The following PMVK variants were observed in gnomAD, a reference collection of about 807,000 sequenced individuals.
The protein encoded by PMVK is testis tissue sperm-binding protein Li 95mP.
Under a neutral mutation model 19.0 loss-of-function variants are expected in PMVK, and 10 were observed. That is an observed-to-expected ratio of 0.53 (90% CI 0.32 to 0.89). PMVK has a LOEUF of 0.89. Among genes scored for constraint, PMVK ranks in the 40% least tolerant of loss-of-function variants. The probability of loss-of-function intolerance (pLI) is 0.03; values close to 1 mark genes in which losing one functional copy is unlikely to be tolerated. For missense variants in PMVK, 222 were observed against 251.1 expected (o/e 0.88, Z 0.78); for synonymous variants, 108 against 101.6 (o/e 1.06, Z -0.38).
chr1:154,941,443 C>T (rs746318803), upstream of PMVK, among the ~76,000 whole-genome samples: 7 of 152,176 alleles, frequency 4.6e-5, no homozygotes, highest in Non-Finnish European at 7.3e-5. Flanking sequence ...GGCAACAGCC[C>T]TCCACACCCC....
intron 2 of PMVK, among the ~76,000 whole-genome samples, chr1:154,931,949 A>G (rs1225277536): frequency 6.6e-6 from 1 of 152,118 alleles, no homozygotes; most frequent in Non-Finnish European, 1.5e-5. Context: ...TCGGCCTCCC[A>G]AAGTGCTGGG....
chr1:154,925,075 A>C lies in PMVK; in HGVS notation c.*54T>G. ...ATCGGGGGACACCCCCATTTTGCAG[A>C]GTCAGCCCCACCCCCACCTCAGCAG... On this transcript the variant is annotated 3_prime_UTR_variant, in exon 5 of 5. Transcript: ENST00000368467. 4.6e-6 allele frequency: 6 copies of C among 1,310,346 alleles called. No individual in the cohort carries two copies. The highest frequency in any genetic ancestry group is 1.6e-5 in the African/African-American group (1 of 62,582). 81.2% of individuals were successfully genotyped at this position (1,310,346 alleles called of 1,614,324 possible). A position where few individuals can be genotyped will look rare whatever the true frequency, so the allele number is the denominator to read the frequency against.
chr1:154,927,084 G>C (rs1023559779), intron 3 of PMVK, among the ~76,000 whole-genome samples: 1 of 151,898 alleles, frequency 6.6e-6, no homozygotes, highest in South Asian at 2.1e-4. Flanking sequence ...CAAAATACAC[G>C]CAAAATTGAC....
At position 154,933,467 on chromosome 1, in the gene PMVK, GT is replaced by G. The variant is rs1206052839; in HGVS notation, c.96-1053del. On this transcript the variant is annotated intron_variant, in intron 1 of 4. Coordinates refer to ENST00000368467, the MANE Select transcript of PMVK (RefSeq NM_006556.4). The stretch of plus-strand genomic sequence containing the variant: ...AAATAAAAATAAAAATAACTCATTC[GT>G]TATTTAATTTACTTAACCAACCTTT... 4.3e-5 allele frequency among the ~76,000 whole-genome samples: 6 copies of G among 140,832 alleles called. No homozygotes were observed. In the East Asian group the frequency reaches 1.3e-3, roughly 29 times the overall value. 92.4% of individuals were successfully genotyped at this position (140,832 alleles called of 152,430 possible).
intron 2 of PMVK, among the ~76,000 whole-genome samples, chr1:154,930,960 G>A (rs1654317019): frequency 6.6e-6 from 1 of 151,682 alleles, no homozygotes; most frequent in African/African-American, 2.4e-5. Context: ...ATAGTGGCAT[G>A]CACCTGTATT....
rs1487418854 is a variant in PMVK, at chr1:154,932,378, C to T, written c.133G>A (p.Gly45Ser). Residue 45 changes from glycine to serine, a missense_variant, in exon 2 of 5, where the codon GGT becomes AGT. Gly to Ser is a moderately conservative substitution (Grantham distance 56). Transcript: ENST00000368467. Reference protein sequence around the residue: ...ADVCAVLRLSGPLKEQYAQEH... With the variant: ...ADVCAVLRLSSPLKEQYAQEH... ...TGAGCATACTGTTCCTTGAGTGGACCAGAGAGCCGGAGGACAGCACAGACA... is the reference window on the plus strand; with the variant it reads ...TGAGCATACTGTTCCTTGAGTGGACTAGAGAGCCGGAGGACAGCACAGACA... 1 of 1,613,262 alleles carries T rather than the reference C, an allele frequency of 6.2e-7. No individual in the cohort carries two copies. Among genetic ancestry groups the T allele is most frequent in the Non-Finnish European group, 8.5e-7 (1 of 1,179,566 alleles).
At chr1:154,928,829 C>T (rs1479369919) in intron 3 of PMVK, among the ~76,000 whole-genome samples, 195 bp downstream of exon 3, 2 of 150,074 alleles carry the variant, frequency 1.3e-5, no homozygotes, top group South Asian at 4.2e-4. Flanking sequence ...AAAGGTCAGT[C>T]TGGCTACTGT....
upstream of PMVK, among the ~76,000 whole-genome samples, chr1:154,941,061 C>T (rs1187353700): frequency 6.6e-6 from 1 of 152,224 alleles, no homozygotes; most frequent in African/African-American, 2.4e-5. Context: ...GCAAGGAGAG[C>T]CCTCTTGCCC....
the PMVK span, among the ~76,000 whole-genome samples, chr1:154,942,486 T>C: frequency 1.3e-5 from 2 of 152,340 alleles, no homozygotes; most frequent in South Asian, 2.1e-4. Context: ...TGGCCTGTGA[T>C]GAGTGCGAGG....
rs368826375 is a variant in PMVK, at chr1:154,929,023, C to T, written c.312+1G>A. 1 of 1,613,500 alleles carries T rather than the reference C, an allele frequency of 6.2e-7. No homozygotes were observed. Among genetic ancestry groups the T allele is most frequent in the Non-Finnish European group, 8.5e-7 (1 of 1,179,598 alleles). On this transcript the variant is annotated splice_donor_variant, in intron 3 of 4. Coordinates refer to ENST00000368467, the MANE Select transcript of PMVK (RefSeq NM_006556.4). LOFTEE classifies it high-confidence loss of function. ...TTCATGCTGCCATGGAGCCCTCTTACCCAGATGGGCTGGGAGATGCCCTCC... is the reference window on the plus strand; with the variant it reads ...TTCATGCTGCCATGGAGCCCTCTTATCCAGATGGGCTGGGAGATGCCCTCC...
intron 4 of PMVK, 107 bp from the exon 5 acceptor site, chr1:154,925,372 T>G: frequency 1.6e-6 from 2 of 1,222,840 alleles, no homozygotes; most frequent in Non-Finnish European, 2.4e-6. Context: ...TCTCCTCTGC[T>G]ACCCTAGAGC....
chr1:154,928,057 G>A (rs1654222340), intron 3 of PMVK, among the ~76,000 whole-genome samples: 1 of 152,094 alleles, frequency 6.6e-6, no homozygotes, highest in East Asian at 1.9e-4. Flanking sequence ...ACCACACCTG[G>A]CAGAAGTAGA....
chr1:154,927,568 T>C (rs1005858245), intron 3 of PMVK, among the ~76,000 whole-genome samples: 1 of 151,662 alleles, frequency 6.6e-6, no homozygotes, highest in Non-Finnish European at 1.5e-5. Flanking sequence ...AATCAGATCA[T>C]GTCTCTCCTC....
Position 154,925,133 on chromosome 1 carries a change from A to C in PMVK, c.575T>G (p.Leu192Arg), listed in dbSNP as rs1216203791. Reference protein sequence around the residue: ...ENLIEFIRSRL With the variant: ...ENLIEFIRSRR ...CTCACTCCTAGAACCTAGTGACTAA[A>C]GTCTGGAGCGGATAAATTCTATCAG... The change falls in exon 5 of 5, where the codon CTT becomes CGT. Residue 192 changes from leucine (L) to arginine (R), a missense_variant. Coordinates refer to ENST00000368467, the MANE Select transcript of PMVK (RefSeq NM_006556.4). The C allele has an allele frequency of 6.2e-7, 1 of 1,613,282 alleles. No homozygotes were observed. The highest frequency in any genetic ancestry group is 2.2e-5 in the East Asian group (1 of 44,866).
intron 3 of PMVK, among the ~76,000 whole-genome samples, chr1:154,927,300 T>A (rs961887772): frequency 2.7e-5 from 4 of 150,900 alleles, no homozygotes; most frequent in Non-Finnish European, 5.9e-5. Context: ...CAAAAAAAAT[T>A]AGTTGGGCAT....
Position 154,925,031 on chromosome 1 carries a change from G to T in PMVK, c.*98C>A. 7 of 1,044,258 alleles carry T rather than the reference G, an allele frequency of 6.7e-6. No individual in the cohort carries two copies. The highest frequency in any genetic ancestry group is 3.6e-5 in the East Asian group (1 of 27,672). 64.7% of individuals were successfully genotyped at this position (1,044,258 alleles called of 1,614,324 possible). ...CTCAGAATCTAGACCCCCCCTGTCT[G>T]TTCCTCACCTCGGCCAGGATCGGGG... On this transcript the variant is annotated 3_prime_UTR_variant, in exon 5 of 5. Transcript: ENST00000368467.
chr1:154,938,853 C>A (rs1412741059), upstream of PMVK, among the ~76,000 whole-genome samples: 1 of 152,204 alleles, frequency 6.6e-6, no homozygotes, highest in Non-Finnish European at 1.5e-5. Flanking sequence ...TCAGTACTGG[C>A]AGCCCAGCAA....
rs1213834570 is a variant in PMVK at position 154,925,873 on chromosome 1, T to A, written c.442+481A>T. 3.9e-5 allele frequency among the ~76,000 whole-genome samples: 6 copies of A among 152,192 alleles called. No homozygotes were observed. In the East Asian group the frequency reaches 1.2e-3, roughly 29 times the overall value. On this transcript the variant is annotated intron_variant, in intron 4 of 4. Transcript: ENST00000368467. The stretch of plus-strand genomic sequence containing the variant: ...CAGAAATGAGCAGCATTAGTAGTGG[T>A]CATACCCATTGGATCTGAACTGCTG...
At chr1:154,925,677 C>A (rs1654132204) in intron 4 of PMVK, among the ~76,000 whole-genome samples, 1 of 152,236 alleles carries the variant, frequency 6.6e-6, no homozygotes, top group Non-Finnish European at 1.5e-5. Flanking sequence ...AGGAGGCCAG[C>A]TCCTCCTCTC....
Sources: allele counts gnomAD v4.1 joint callset (sites outside exome capture counted in the v4.1 genomes callset), GRCh38; gene constraint gnomAD v4.1.1; transcripts MANE v1.5; gene names NCBI Gene and HGNC (gene_info 2026-07-23, HGNC 2026-07-21).